Variants in SPRY3 observed in about 807,000 individuals in gnomAD.
The protein encoded by SPRY3 is sprouty RTK signaling antagonist 3.
A neutral mutation model predicts 20.2 loss-of-function variants in SPRY3; 15 were observed. The ratio of observed to expected loss-of-function variants is 0.74; its 90% confidence interval spans 0.50 to 1.14. The LOEUF is 1.14. Among genes scored for constraint, SPRY3 ranks in the 50% most tolerant of loss-of-function variants. The pLI is 0.00. For synonymous variants in SPRY3, 143 were observed against 136.5 expected (o/e 1.05, Z -0.33); for missense variants, 364 against 363.9 (o/e 1.00, Z 0.00).
intron 1 of SPRY3, among the ~76,000 whole-genome samples, chrX:155,631,823 G>A (rs1557350550): frequency 9.1e-6 from 1 of 110,229 alleles, no homozygotes; most frequent in Non-Finnish European, 1.9e-5. Context: ...ATATTTATGG[G>A]GTACGTGAGA....
At chrX:155,780,149 G>C (rs770564043), downstream of SPRY3, 1 of 167,058 alleles carries the variant, frequency 6.0e-6, no homozygotes, top group African/African-American at 2.4e-5. Context: ...TCCTGAAAAA[G>C]AAGAAGGTAA....
intron 2 of SPRY3, among the ~76,000 whole-genome samples, chrX:155,735,339 C>G (rs895305812): frequency 2.0e-5 from 3 of 151,952 alleles, no homozygotes; most frequent in African/African-American, 7.2e-5. Flanking sequence ...TCAATCAGGT[C>G]CAGTTAATTA....
chrX:155,681,998 A>G (rs1192294156), intron 2 of SPRY3, among the ~76,000 whole-genome samples: 2 of 112,915 alleles, frequency 1.8e-5, no homozygotes, highest in South Asian at 3.6e-4. Context: ...TAGATTTTCA[A>G]TGTTGATGAA....
At chrX:155,761,272 CA>C (rs1454009644) in intron 2 of SPRY3, among the ~76,000 whole-genome samples, 1 of 152,188 alleles carries the variant, frequency 6.6e-6, no homozygotes, top group Non-Finnish European at 1.5e-5. Flanking sequence ...TCTTCTGTGA[CA>C]ATGTGTATCC....
At chrX:155,684,508 C>A (rs908235486) in intron 2 of SPRY3, among the ~76,000 whole-genome samples, 1 of 111,852 alleles carries the variant, frequency 8.9e-6, no homozygotes, top group Non-Finnish European at 1.9e-5. Flanking sequence ...ATGTAGAAAC[C>A]TTACCACCAT....
At chrX:155,739,131 G>A (rs2091188335) in intron 2 of SPRY3, among the ~76,000 whole-genome samples, 1 of 152,176 alleles carries the variant, frequency 6.6e-6, no homozygotes, top group African/African-American at 2.4e-5. Context: ...AGTCCAGGTG[G>A]TACAGACCAG....
At chrX:155,753,129 G>A (rs2091270550) in intron 2 of SPRY3, among the ~76,000 whole-genome samples, 1 of 151,774 alleles carries the variant, frequency 6.6e-6, no homozygotes, top group African/African-American at 2.4e-5. Context: ...AGTCACCCAT[G>A]TAATGTGCAC....
chrX:155,767,935 T>C (rs2091353068), intron 2 of SPRY3, 27 bp from the exon 2 acceptor site: 1 of 153,996 alleles, frequency 6.5e-6, no homozygotes, highest in Non-Finnish European at 1.4e-5. Context: ...TTTTGTTTTG[T>C]TTTGTGTTTT....
chrX:155,779,277 A>G (rs1191009116), downstream of SPRY3: 2 of 167,088 alleles, frequency 1.2e-5, no homozygotes, highest in African/African-American at 2.4e-5. Context: ...AGGCAAGTAT[A>G]TGAATATAGG....
At chrX:155,667,852 C>T (rs2068029231) in intron 2 of SPRY3, among the ~76,000 whole-genome samples, 1 of 111,176 alleles carries the variant, frequency 9.0e-6, no homozygotes, top group Non-Finnish European at 1.9e-5. Context: ...GACCAATTAA[C>T]ATATGAAAAG....
intron 1 of SPRY3, among the ~76,000 whole-genome samples, chrX:155,650,016 A>C (rs782167384): frequency 4.1e-4 from 46 of 111,362 alleles, no homozygotes; most frequent in African/African-American, 1.4e-3. Flanking sequence ...ACAATTGCTA[A>C]AAAGAGAATA....
chrX:155,699,230 C>T (rs1350342082), intron 2 of SPRY3, among the ~76,000 whole-genome samples: 1 of 111,572 alleles, frequency 9.0e-6, no homozygotes, highest in African/African-American at 3.3e-5. Flanking sequence ...GCTTGGGTTT[C>T]AGAGCAAACA....
At chrX:155,781,109 GAT>G (rs944736215), downstream of SPRY3, 2 of 164,452 alleles carry the variant, frequency 1.2e-5, no homozygotes, top group Admixed American at 6.6e-5. Context: ...GAGAGAGAAA[GAT>G]AGAGAGAGAG....
intron 2 of SPRY3, among the ~76,000 whole-genome samples, chrX:155,748,933 T>G (rs925653438): frequency 2.6e-5 from 4 of 151,808 alleles, no homozygotes; most frequent in Non-Finnish European, 5.9e-5. Context: ...AATCATCAAA[T>G]TGAGTGAAAA....
intron 2 of SPRY3, among the ~76,000 whole-genome samples, chrX:155,712,128 G>GA (rs1268842518): frequency 6.6e-6 from 1 of 151,824 alleles, no homozygotes; most frequent in African/African-American, 2.4e-5. Flanking sequence ...CTATCATTGT[G>GA]AATGATTTAT....
intron 2 of SPRY3, among the ~76,000 whole-genome samples, chrX:155,765,332 A>G (rs1470989790): frequency 6.6e-6 from 1 of 152,158 alleles, no homozygotes; most frequent in Non-Finnish European, 1.5e-5. Flanking sequence ...AGATCTGCAA[A>G]CTGCCAACTG....
chrX:155,671,140 T>A (rs2068039272), intron 2 of SPRY3, among the ~76,000 whole-genome samples: 1 of 111,871 alleles, frequency 8.9e-6, no homozygotes, highest in Non-Finnish European at 1.9e-5. Flanking sequence ...ATTTTAGAGA[T>A]GATGAGTAAG....
At chrX:155,629,084 G>A (rs923836679) in intron 1 of SPRY3, among the ~76,000 whole-genome samples, 1 of 108,863 alleles carries the variant, frequency 9.2e-6, no homozygotes, top group South Asian at 4.1e-4. Context: ...TGTTACATGT[G>A]CTATGTTGGT....
At chrX:155,638,860 C>CA in intron 1 of SPRY3, among the ~76,000 whole-genome samples, 1 of 111,540 alleles carries the variant, frequency 9.0e-6, no homozygotes, top group South Asian at 3.8e-4. Context: ...TAGATTTGGC[C>CA]AGAACCCCAG....
Sources: allele counts gnomAD v4.1 joint callset (sites outside exome capture counted in the v4.1 genomes callset), GRCh38; gene constraint gnomAD v4.1.1; transcripts MANE v1.5; gene names NCBI Gene and HGNC (gene_info 2026-07-23, HGNC 2026-07-21).